The following CCDC148 variants were observed in gnomAD, a reference collection of about 807,000 sequenced individuals.
The protein encoded by CCDC148 is coiled-coil domain-containing protein 148.
A neutral mutation model predicts 85.7 loss-of-function variants in CCDC148; 89 were observed. The ratio of observed to expected loss-of-function variants is 1.04; its 90% CI spans 0.87 to 1.24. The LOEUF (loss-of-function observed/expected upper bound fraction) is 1.24, where lower values mean the gene tolerates loss of function less well. CCDC148 is among the 50% of genes most tolerant of loss of function. CCDC148 has a pLI of 0.00. For synonymous variants in CCDC148, 230 were observed against 213.9 expected (o/e 1.08, Z -0.66); for missense variants, 692 against 671.7 (o/e 1.03, Z -0.33).
intron 9 of CCDC148, among the ~76,000 whole-genome samples, chr2:158,273,902 G>C (rs1254697319): frequency 6.6e-6 from 1 of 152,080 alleles, no homozygotes; most frequent in Non-Finnish European, 1.5e-5. Flanking sequence ...CTTAGGAAAG[G>C]ATTCCAACGT....
chr2:158,236,598 A>G (rs1688118461), intron 10 of CCDC148, among the ~76,000 whole-genome samples: 1 of 152,182 alleles, frequency 6.6e-6, no homozygotes, highest in Non-Finnish European at 1.5e-5. Context: ...TCATTCAATC[A>G]TGACTTAGAA....
At chr2:158,283,661 C>T (rs1690457791) in intron 9 of CCDC148, among the ~76,000 whole-genome samples, 1 of 151,936 alleles carries the variant, frequency 6.6e-6, no homozygotes, top group African/African-American at 2.4e-5. Context: ...AATAGGAACA[C>T]TTTTACACTG....
chr2:158,404,284 C>T (rs1685908593), intron 1 of CCDC148, among the ~76,000 whole-genome samples: 1 of 151,996 alleles, frequency 6.6e-6, no homozygotes, highest in South Asian at 2.1e-4. Context: ...GTCTGTGCAG[C>T]ATAGTCATGT....
chr2:158,269,915 T>A (rs1212360481), intron 9 of CCDC148, among the ~76,000 whole-genome samples: 1 of 152,172 alleles, frequency 6.6e-6, no homozygotes, highest in Non-Finnish European at 1.5e-5. Context: ...TAGAAAGTAT[T>A]TCAGTTCAAA....
intron 9 of CCDC148, among the ~76,000 whole-genome samples, chr2:158,288,125 C>G (rs1387202954): frequency 6.6e-6 from 1 of 152,150 alleles, no homozygotes; most frequent in Admixed American, 6.5e-5. Flanking sequence ...ATGAAGGACA[C>G]CAAGTCCCTA....
At chr2:158,272,437 A>C (rs1335682946) in intron 9 of CCDC148, among the ~76,000 whole-genome samples, 1 of 152,232 alleles carries the variant, frequency 6.6e-6, no homozygotes, top group African/African-American at 2.4e-5. Context: ...ATAAAAGTCA[A>C]AAAGAAAAAG....
chr2:158,423,782 C>A (rs954655037), intron 1 of CCDC148, among the ~76,000 whole-genome samples: 1 of 152,128 alleles, frequency 6.6e-6, no homozygotes, highest in Non-Finnish European at 1.5e-5. Context: ...AACAGGCAAC[C>A]TACAGAATGG....
At chr2:158,251,844 G>A (rs115398635) in intron 9 of CCDC148, among the ~76,000 whole-genome samples, 102 of 151,902 alleles carry the variant, frequency 6.7e-4, no homozygotes, top group African/African-American at 2.4e-3. Context: ...AAGAGATTTG[G>A]AAGGGGACTT....
At chr2:158,447,154 ATTC>A (rs1351757444) in intron 1 of CCDC148, 7 of 152,160 alleles carry the variant, frequency 4.6e-5, no homozygotes, top group African/African-American at 7.2e-5. Context: ...TATATGACTT[ATTC>A]TTTTTTAAAG....
intron 11 of CCDC148, among the ~76,000 whole-genome samples, chr2:158,212,370 C>T (rs1382168258): frequency 1.3e-5 from 2 of 152,232 alleles, no homozygotes; most frequent in African/African-American, 2.4e-5. Context: ...GACTGTGAAC[C>T]CACTTTAAAT....
chr2:158,334,527 A>T (rs1693321743), intron 7 of CCDC148, among the ~76,000 whole-genome samples: 1 of 152,046 alleles, frequency 6.6e-6, no homozygotes, highest in East Asian at 1.9e-4. Context: ...AAGATTATTT[A>T]TTTTTATTTT....
intron 1 of CCDC148, among the ~76,000 whole-genome samples, chr2:158,417,310 T>C (rs1049836577): frequency 6.6e-6 from 1 of 152,208 alleles, no homozygotes; most frequent in East Asian, 1.9e-4. Context: ...ATAAGCATAC[T>C]GTGGTGGCCC....
chr2:158,414,818 C>T (rs1036281956), intron 1 of CCDC148, among the ~76,000 whole-genome samples: 5 of 152,154 alleles, frequency 3.3e-5, no homozygotes, highest in African/African-American at 1.2e-4. Context: ...AATTTGGTTT[C>T]CATCATCCAT....
Position 158,399,238 on chromosome 2 carries a change from G to A in CCDC148, c.26-40668C>T, listed in dbSNP as rs556342658. Among the ~76,000 whole-genome samples the A allele has an allele frequency of 4.1e-3, 624 of 151,982 alleles. 1 individual carries two copies. The highest frequency in any genetic ancestry group is 0.014 in the African/African-American group (582 of 41,488). The stretch of plus-strand genomic sequence containing the variant: ...CATTCCTTCTGAAACTATTCCAATC[G>A]ATAGAAAAAGAGGGAATCCTCCCTA... On this transcript the variant is annotated intron_variant, in intron 1 of 13. Transcript: ENST00000283233.
intron 11 of CCDC148, among the ~76,000 whole-genome samples, chr2:158,199,256 T>TA (rs1449992743): frequency 2.6e-5 from 4 of 152,134 alleles, no homozygotes; most frequent in Non-Finnish European, 2.9e-5. Flanking sequence ...TATTTATATA[T>TA]TTTTTTGAGA....
intron 10 of CCDC148, among the ~76,000 whole-genome samples, chr2:158,221,374 C>T (rs1307251860): frequency 6.6e-6 from 1 of 152,152 alleles, no homozygotes; most frequent in African/African-American, 2.4e-5. Flanking sequence ...AATGAGAAAA[C>T]CAGAGGTACA....
intron 1 of CCDC148, among the ~76,000 whole-genome samples, chr2:158,361,673 A>G (rs956948753): frequency 6.6e-6 from 1 of 152,226 alleles, no homozygotes; most frequent in Admixed American, 6.5e-5. Flanking sequence ...TCCTGAAGGA[A>G]GCACTAAACA....
At chr2:158,436,553 C>T (rs1687660256) in intron 1 of CCDC148, among the ~76,000 whole-genome samples, 1 of 152,096 alleles carries the variant, frequency 6.6e-6, no homozygotes, top group African/African-American at 2.4e-5. Flanking sequence ...ACCCTAACAT[C>T]ACAACTAAAA....
At chr2:158,352,251 G>A (rs1319673204) in intron 2 of CCDC148, among the ~76,000 whole-genome samples, 3 of 150,694 alleles carry the variant, frequency 2.0e-5, no homozygotes, top group Non-Finnish European at 4.4e-5. Flanking sequence ...GCTGAGAGAA[G>A]AAGGCTTCAG....
Sources: gnomAD v4.1 joint callset for allele counts (sites outside exome capture counted in the v4.1 genomes callset) on GRCh38, gnomAD v4.1.1 for gene constraint, MANE v1.5 for transcripts, NCBI Gene and HGNC (gene_info 2026-07-23, HGNC 2026-07-21) for gene names.